The following VAV2 variants were observed in gnomAD, a reference collection of about 807,000 sequenced individuals.
VAV2 encodes guanine nucleotide exchange factor VAV2.
Under a neutral mutation model 132.5 loss-of-function variants are expected in VAV2, and 67 were observed. The observed-to-expected ratio is 0.51, with a 90% CI of 0.42 to 0.62. VAV2 has a LOEUF of 0.62. VAV2 is among the 20% of genes least tolerant of loss of function. The pLI, the probability that VAV2 is intolerant of heterozygous loss-of-function variation, is 0.00. For missense variants in VAV2, 938 were observed against 1,153.6 expected (o/e 0.81, Z 2.71); for synonymous variants, 492 against 443.5 (o/e 1.11, Z -1.37).
At chr9:133,845,201 C>G (rs1305804922) in intron 3 of VAV2, among the ~76,000 whole-genome samples, 1 of 152,238 alleles carries the variant, frequency 6.6e-6, no homozygotes, top group Non-Finnish European at 1.5e-5. Flanking sequence ...TGTGTCCCAC[C>G]CTGGCCAGAG....
At chr9:133,881,355 G>A (rs531335239) in intron 2 of VAV2, among the ~76,000 whole-genome samples, 10 of 152,342 alleles carry the variant, frequency 6.6e-5, no homozygotes, top group African/African-American at 2.2e-4. Context: ...CCAGTGAGAC[G>A]GGGCTTGTGA....
intron 25 of VAV2, among the ~76,000 whole-genome samples, chr9:133,773,396 G>A (rs1421705986): frequency 6.6e-6 from 1 of 152,238 alleles, no homozygotes; most frequent in Non-Finnish European, 1.5e-5. Flanking sequence ...GGAGAGTGGT[G>A]AGTAAATGTG....
At chr9:133,816,525 CT>C (rs1322133787) in intron 4 of VAV2, among the ~76,000 whole-genome samples, 2 of 152,208 alleles carry the variant, frequency 1.3e-5, no homozygotes, top group Admixed American at 1.3e-4. Flanking sequence ...GCAGGGTTCA[CT>C]TTTTTCCCAT....
At chr9:133,786,785 A>G (rs1206108230) in intron 16 of VAV2, among the ~76,000 whole-genome samples, 1 of 152,248 alleles carries the variant, frequency 6.6e-6, no homozygotes, top group Non-Finnish European at 1.5e-5. Context: ...GGTCCAGAAA[A>G]AAGAGTTTGG....
At chr9:133,905,776 C>T (rs2092079446) in intron 2 of VAV2, among the ~76,000 whole-genome samples, 3 of 152,200 alleles carry the variant, frequency 2.0e-5, no homozygotes, top group South Asian at 4.2e-4. Flanking sequence ...GACTCACACG[C>T]CTGTAATCCC....
intron 25 of VAV2, among the ~76,000 whole-genome samples, chr9:133,773,503 G>A (rs1162697715): frequency 6.6e-6 from 1 of 152,158 alleles, no homozygotes; most frequent in Non-Finnish European, 1.5e-5. Flanking sequence ...TTCTTCAATC[G>A]TAAATTAACT....
At position 133,816,142 on chromosome 9, in the gene VAV2, A is replaced by C. The variant is rs536251169; in HGVS notation, c.450-3926T>G. Among the ~76,000 whole-genome samples the C allele has an allele frequency of 4.6e-5, 7 of 152,282 alleles. 1 individual carries two copies. The South Asian group carries it at 1.5e-3, about 32-fold the overall frequency. ...TTACTGTATACCTTCCTTTGTGAAG[A>C]GTCTGTTCAAGACTTTTGTCCATTT... On this transcript the variant is annotated intron_variant, in intron 4 of 29. Transcript: ENST00000371850.
At chr9:133,789,711 G>C (rs7046387) in intron 13 of VAV2, among the ~76,000 whole-genome samples, 23,077 of 150,488 alleles carry the variant, frequency 0.15, 1,825 homozygotes, top group African/African-American at 0.18. Flanking sequence ...CCACGTTCAG[G>C]AGAGAACAAA....
rs1207010281 is a variant in VAV2, at chr9:133,885,011, G to C, written c.322-23579C>G. On this transcript the variant is annotated intron_variant, in intron 2 of 29. Coordinates refer to ENST00000371850, the MANE Select transcript of VAV2 (RefSeq NM_001134398.2). The surrounding 1 kb of genome is among the most constrained non-coding windows in gnomAD (Gnocchi z 5.0). Reference sequence around the variant, plus strand: ...AAAGACTCCAAAGATAATGCCAAAGGCTCCACTTCCAGGCCGATGACACCA... The same window carrying C: ...AAAGACTCCAAAGATAATGCCAAAGCCTCCACTTCCAGGCCGATGACACCA... Among the ~76,000 whole-genome samples the C allele has an allele frequency of 6.6e-6, 1 of 152,176 alleles. No individual in the cohort carries two copies. The highest frequency in any genetic ancestry group is 1.5e-5 in the Non-Finnish European group (1 of 68,034).
At chr9:133,914,236 T>C (rs1839978875) in intron 2 of VAV2, among the ~76,000 whole-genome samples, 1 of 151,964 alleles carries the variant, frequency 6.6e-6, no homozygotes, top group South Asian at 2.1e-4. Flanking sequence ...GACACAGAAT[T>C]ACCGTGAAGC....
intron 2 of VAV2, among the ~76,000 whole-genome samples, chr9:133,901,774 C>A (rs541152260): frequency 6.6e-6 from 1 of 152,364 alleles, no homozygotes; most frequent in South Asian, 2.1e-4. Context: ...GCACAGACAG[C>A]CCTGCTGTCC....
intron 1 of VAV2, among the ~76,000 whole-genome samples, chr9:133,952,082 G>A (rs1167144434): frequency 6.6e-6 from 1 of 152,024 alleles, no homozygotes; most frequent in South Asian, 2.1e-4. Flanking sequence ...CCGCTCTTAC[G>A]ACCTCATCTA....
chr9:133,817,549 A>C (rs1835608605), intron 4 of VAV2, among the ~76,000 whole-genome samples: 1 of 152,206 alleles, frequency 6.6e-6, no homozygotes, highest in Non-Finnish European at 1.5e-5. Context: ...TGGAGCTTGC[A>C]GTGAGCTGAG....
At chr9:133,946,714 TA>T (rs1171825420) in intron 1 of VAV2, among the ~76,000 whole-genome samples, 1 of 152,094 alleles carries the variant, frequency 6.6e-6, no homozygotes, top group Admixed American at 6.5e-5. Context: ...CTTTGATCAA[TA>T]AAAAAATGGG....
At chr9:133,867,099 C>T (rs566584126) in intron 2 of VAV2, among the ~76,000 whole-genome samples, 66 of 152,290 alleles carry the variant, frequency 4.3e-4, no homozygotes, top group African/African-American at 1.4e-3. Flanking sequence ...GACACAACAC[C>T]GCCCGTGAGT....
rs1487831396 is a variant in VAV2, at chr9:133,926,908, C to T, written c.321+12195G>A. 6.6e-6 allele frequency among the ~76,000 whole-genome samples: 1 copy of T among 152,190 alleles called. No individual in the cohort carries two copies. The highest frequency in any genetic ancestry group is 2.4e-5 in the African/African-American group (1 of 41,440). On this transcript the variant is annotated intron_variant, in intron 2 of 29. Transcript: ENST00000371850. The surrounding 1 kb of genome is among the most constrained non-coding windows in gnomAD (Gnocchi z 4.3). ...GCCCCACTGTGGAGGGATGGGGAGG[C>T]CCAGCACCAGCCCTGGCCACAACTA...
chr9:133,954,207 T>A (rs368956479), intron 1 of VAV2, among the ~76,000 whole-genome samples: 1 of 152,328 alleles, frequency 6.6e-6, no homozygotes, highest in South Asian at 2.1e-4. Context: ...ACCATCCCAG[T>A]CATTTCCAGG....
intron 2 of VAV2, among the ~76,000 whole-genome samples, chr9:133,911,885 G>C (rs780731420): frequency 9.9e-5 from 15 of 152,238 alleles, no homozygotes; most frequent in Non-Finnish European, 1.5e-4. Context: ...GAGCCCCACA[G>C]GTCAGGATTG....
At position 133,785,896 on chromosome 9, in the gene VAV2, G is replaced by GA; in HGVS notation, c.1423-12dup. On this transcript the variant is annotated splice_polypyrimidine_tract_variant and intron_variant, in intron 16 of 29. Transcript: ENST00000371850. ...GAAGCCGTAGGACCACTGCAGGGGG[G>GA]AGAGGGGCCATGCTTGCAATAGACA... 6.2e-7 allele frequency: 1 copy of GA among 1,610,762 alleles called. No individual in the cohort carries two copies. Among genetic ancestry groups the GA allele is most frequent in the Non-Finnish European group, 8.5e-7 (1 of 1,177,846 alleles).
Sources: gnomAD v4.1 joint callset for allele counts (sites outside exome capture counted in the v4.1 genomes callset) on GRCh38, gnomAD v4.1.1 for gene constraint, Gnocchi (gnomAD v3.1) non-coding constraint, MANE v1.5 for transcripts, NCBI Gene and HGNC (gene_info 2026-07-23, HGNC 2026-07-21) for gene names.